PTK7: variants seen among roughly 807,000 people sequenced by gnomAD.
PTK7 encodes inactive tyrosine-protein kinase 7.
PTK7 carries 39 observed loss-of-function variants against 116.6 expected under a neutral mutation model. The observed-to-expected ratio is 0.33, with a 90% CI of 0.26 to 0.44. The LOEUF is 0.44. Among genes scored for constraint, PTK7 ranks in the 20% least tolerant of loss-of-function variants. PTK7 has a pLI of 1.00. For missense variants in PTK7, 1,169 were observed against 1,425.6 expected, an observed-to-expected ratio of 0.82 and a Z score of 2.90; for synonymous variants, 546 against 563.6, an observed-to-expected ratio of 0.97 and a Z score of 0.44.
intron 1 of PTK7, among the ~76,000 whole-genome samples, chr6:43,085,251 G>A (rs1000708574): frequency 2.6e-5 from 4 of 152,090 alleles, no homozygotes; most frequent in African/African-American, 9.7e-5. Flanking sequence ...CTGGCCAGCC[G>A]TTTCCTTTTG....
At chr6:43,112,606 G>GT (rs1768257213) in intron 1 of PTK7, among the ~76,000 whole-genome samples, 1 of 152,060 alleles carries the variant, frequency 6.6e-6, no homozygotes, top group South Asian at 2.1e-4. Flanking sequence ...TAGAGATGGG[G>GT]TTTCACCATG....
intron 1 of PTK7, among the ~76,000 whole-genome samples, chr6:43,118,619 A>AT (rs1768708819): frequency 2.3e-5 from 1 of 43,932 alleles, no homozygotes. Context: ...GAATATTTTA[A>AT]CCTCTCTCTC....
At chr6:43,082,685 G>A (rs1766445891) in intron 1 of PTK7, among the ~76,000 whole-genome samples, 1 of 152,164 alleles carries the variant, frequency 6.6e-6, no homozygotes, top group Non-Finnish European at 1.5e-5. Flanking sequence ...TGATGTGTAC[G>A]CTTTAATATT....
At chr6:43,086,445 G>A (rs1421371366) in intron 1 of PTK7, among the ~76,000 whole-genome samples, 1 of 151,720 alleles carries the variant, frequency 6.6e-6, no homozygotes, top group Non-Finnish European at 1.5e-5. Context: ...CCTCCTTGGG[G>A]TGGTGGCGGG....
intron 10 of PTK7, among the ~76,000 whole-genome samples, chr6:43,140,162 G>C (rs767865834): frequency 1.3e-5 from 2 of 150,086 alleles, no homozygotes; most frequent in East Asian, 2.0e-4. Context: ...CAAAATACTG[G>C]AAGAGGCCGG....
intron 7 of PTK7, among the ~76,000 whole-genome samples, chr6:43,137,522 G>C (rs558020666): frequency 6.6e-6 from 1 of 152,330 alleles, no homozygotes; most frequent in East Asian, 1.9e-4. Context: ...TAAAGTTTGA[G>C]ATGCCTGTTG....
intron 17 of PTK7, among the ~76,000 whole-genome samples, chr6:43,158,171 C>T (rs1280747668): frequency 6.6e-6 from 1 of 151,916 alleles, no homozygotes; most frequent in Non-Finnish European, 1.5e-5. Flanking sequence ...TAGTGGCAGG[C>T]ACCTGTAATC....
intron 17 of PTK7, among the ~76,000 whole-genome samples, chr6:43,158,382 GCTTGAGCC>G (rs551205069): frequency 4.6e-5 from 7 of 152,244 alleles, no homozygotes; most frequent in African/African-American, 1.7e-4. Flanking sequence ...TGGGAGGATT[GCTTGAGCC>G]CAGGAGTTTA....
At chr6:43,081,246 G>C (rs1257897761) in intron 1 of PTK7, among the ~76,000 whole-genome samples, 1 of 152,188 alleles carries the variant, frequency 6.6e-6, no homozygotes, top group African/African-American at 2.4e-5. Flanking sequence ...CCAGAAGGTA[G>C]ACACTGTAGA....
At chr6:43,111,202 C>G (rs1768177493) in intron 1 of PTK7, among the ~76,000 whole-genome samples, 1 of 152,218 alleles carries the variant, frequency 6.6e-6, no homozygotes, top group Admixed American at 6.5e-5. Context: ...CCAAGGTAGA[C>G]AGAATGCAAA....
chr6:43,149,450 T>C (rs192137616), intron 17 of PTK7, among the ~76,000 whole-genome samples: 3 of 152,316 alleles, frequency 2.0e-5, no homozygotes, highest in Non-Finnish European at 2.9e-5. Flanking sequence ...TCTAAAGATG[T>C]GAATTTTTCA....
chr6:43,146,638 G>A lies in PTK7; in HGVS notation c.2661G>A (p.Leu887=). The A allele has an allele frequency of 6.2e-7, 1 of 1,613,684 alleles. No individual in the cohort carries two copies. Among genetic ancestry groups the A allele is most frequent in the Non-Finnish European group, 8.5e-7 (1 of 1,179,948 alleles). Residue 887 remains leucine (L), a synonymous_variant, in exon 17 of 20, where the codon CTG becomes CTA. Transcript: ENST00000230419. ...CTTAGGGAGACCTCAAGCAGTTCCT[G>A]AGGATTTCCAAGAGCAAGGATGAAA... ...YVDLGDLKQF[L]RISKSKDEKL...
At chr6:43,154,748 G>A (rs1771322228) in intron 17 of PTK7, among the ~76,000 whole-genome samples, 1 of 152,232 alleles carries the variant, frequency 6.6e-6, no homozygotes, top group Non-Finnish European at 1.5e-5. Flanking sequence ...ACCTCTGCTG[G>A]CCTTCTTGTG....
chr6:43,147,487 CT>C (rs1381783565), intron 17 of PTK7, among the ~76,000 whole-genome samples: 10 of 152,182 alleles, frequency 6.6e-5, no homozygotes, highest in Admixed American at 6.6e-4. Context: ...ACTGGAGAGT[CT>C]GCTTCCAAGC....
intron 17 of PTK7, among the ~76,000 whole-genome samples, chr6:43,151,388 A>G (rs1438387193): frequency 6.8e-6 from 1 of 147,536 alleles, no homozygotes; most frequent in East Asian, 2.0e-4. Context: ...ATTTTTTTGT[A>G]TTTTTAGTAG....
chr6:43,110,172 A>G lies in PTK7; in HGVS notation c.80-18805A>G, dbSNP rs563001989. On this transcript the variant is annotated intron_variant, in intron 1 of 19. Transcript: ENST00000230419. Reference sequence around the variant, plus strand: ...ACACCATGCCCAGCTAATTTTTTGTATGTTTAGAATACAAAATACATGCTG... The same window carrying G: ...ACACCATGCCCAGCTAATTTTTTGTGTGTTTAGAATACAAAATACATGCTG... Among the ~76,000 whole-genome samples, 11 of 150,404 alleles carry G rather than the reference A, an allele frequency of 7.3e-5. No homozygotes were observed. In the South Asian group the frequency reaches 2.3e-3, roughly 32 times the overall value.
intron 1 of PTK7, among the ~76,000 whole-genome samples, chr6:43,077,420 T>G (rs752155375): frequency 6.6e-6 from 1 of 152,102 alleles, no homozygotes; most frequent in African/African-American, 2.4e-5. Context: ...CATTCTGGCT[T>G]TTCTTGGGGG....
Position 43,142,209 on chromosome 6 carries a change from G to C in PTK7, c.1957G>C (p.Asp653His), listed in dbSNP as rs1770460228. The C allele has an allele frequency of 2.5e-6, 4 of 1,614,000 alleles. No homozygotes were observed. The African/African-American group carries it at 4.0e-5, about 16-fold the overall frequency. ...CCAGAATGGCTCCCTGGTGATCCAT[G>C]ACGTGGCCCCTGAGGACTCAGGCCG... Reference protein sequence around the residue: ...IFQNGSLVIHDVAPEDSGRYT... With the variant: ...IFQNGSLVIHHVAPEDSGRYT... The change falls in exon 13 of 20, where the codon GAC becomes CAC. Residue 653 changes from aspartate (D) to histidine (H), a missense_variant. By Grantham distance (81) the Asp-to-His change is moderately conservative. Around this residue, in one of 3 missense-constraint regions of PTK7, gnomAD observed 678 missense variants for 853.8 expected, o/e 0.79. Transcript: ENST00000230419.
intron 17 of PTK7, among the ~76,000 whole-genome samples, chr6:43,157,121 CAT>C (rs1441691866): frequency 1.4e-5 from 2 of 147,184 alleles, no homozygotes; most frequent in Non-Finnish European, 3.0e-5. Context: ...GGAGGGAGAA[CAT>C]ATGGTTGGGA....
Sources: allele counts gnomAD v4.1 joint callset (sites outside exome capture counted in the v4.1 genomes callset), GRCh38; gene constraint gnomAD v4.1.1; regional missense constraint gnomAD v4.1.1; transcripts MANE v1.5; gene names NCBI Gene and HGNC (gene_info 2026-07-23, HGNC 2026-07-21).